HMGCLL1: variants seen among roughly 807,000 people sequenced by gnomAD.
HMGCLL1 encodes the protein 3-hydroxymethyl-3-methylglutaryl-CoA lyase, cytoplasmic.
In HMGCLL1, 36 loss-of-function variants were observed where a neutral mutation model predicts 39.1. That is an observed-to-expected ratio of 0.92 (90% CI 0.71 to 1.22). HMGCLL1 has a LOEUF of 1.22. Ranked by LOEUF, HMGCLL1 falls within the 50% of genes most tolerant of loss-of-function variation. The pLI is 0.00. For missense variants in HMGCLL1, 451 were observed against 416.5 expected (o/e 1.08, Z -0.72); for synonymous variants, 149 against 144.0 (o/e 1.03, Z -0.25).
At chr6:55,556,891 C>T (rs541360196) in intron 1 of HMGCLL1, among the ~76,000 whole-genome samples, 3 of 152,216 alleles carry the variant, frequency 2.0e-5, no homozygotes, top group Non-Finnish European at 4.4e-5. Flanking sequence ...CTTGATTTCT[C>T]CTGGAAGTTT....
At chr6:55,585,580 G>A in the HMGCLL1 span, among the ~76,000 whole-genome samples, 3 of 151,926 alleles carry the variant, frequency 2.0e-5, no homozygotes, top group Non-Finnish European at 2.9e-5. Flanking sequence ...AAGTACTATT[G>A]AATGAGAACA....
At chr6:55,592,928 T>A in the HMGCLL1 span, among the ~76,000 whole-genome samples, 1 of 152,120 alleles carries the variant, frequency 6.6e-6, no homozygotes. Flanking sequence ...TTTTAAATTG[T>A]TGGGCTATAG....
At chr6:55,486,766 A>G (rs1049802410) in intron 7 of HMGCLL1, among the ~76,000 whole-genome samples, 3 of 152,098 alleles carry the variant, frequency 2.0e-5, no homozygotes, top group Admixed American at 2.0e-4. Context: ...GGCTGCTATA[A>G]CAAAGTACCA....
the HMGCLL1 span, among the ~76,000 whole-genome samples, chr6:55,645,737 G>C: frequency 6.6e-6 from 1 of 151,790 alleles, no homozygotes. Context: ...TTGCATCCTT[G>C]GGATAAATCC....
intron 7 of HMGCLL1, among the ~76,000 whole-genome samples, chr6:55,467,066 G>C (rs148413237): frequency 1.3e-5 from 2 of 152,080 alleles, no homozygotes; most frequent in East Asian, 3.9e-4. Context: ...CCCCTACACT[G>C]TTTCTAACCT....
chr6:55,450,897 T>A (rs999112317), intron 7 of HMGCLL1, among the ~76,000 whole-genome samples: 11 of 152,168 alleles, frequency 7.2e-5, no homozygotes, highest in Non-Finnish European at 1.6e-4. Flanking sequence ...AACAGAGATA[T>A]GTTAAAGGAA....
intron 1 of HMGCLL1, among the ~76,000 whole-genome samples, chr6:55,559,301 C>T (rs1052056902): frequency 6.6e-6 from 1 of 152,176 alleles, no homozygotes; most frequent in African/African-American, 2.4e-5. Flanking sequence ...ATTTGCTTAA[C>T]ATTTCCTTAT....
chr6:55,464,899 T>A (rs774883331), intron 7 of HMGCLL1, among the ~76,000 whole-genome samples: 2 of 152,158 alleles, frequency 1.3e-5, no homozygotes, highest in Non-Finnish European at 2.9e-5. Flanking sequence ...TGCTCTTTAC[T>A]CCTTTACTCC....
At chr6:55,669,300 A>G in the HMGCLL1 span, among the ~76,000 whole-genome samples, 1 of 151,770 alleles carries the variant, frequency 6.6e-6, no homozygotes, top group South Asian at 2.1e-4. Context: ...ACACTGCAAC[A>G]ACTTTGGCAA....
chr6:55,519,221 T>A (rs1767906273), intron 3 of HMGCLL1, among the ~76,000 whole-genome samples: 1 of 151,902 alleles, frequency 6.6e-6, no homozygotes, highest in African/African-American at 2.4e-5. Flanking sequence ...AACAATTAAT[T>A]TAGGGGAGGT....
chr6:55,632,019 A>G, the HMGCLL1 span, among the ~76,000 whole-genome samples: 1 of 152,192 alleles, frequency 6.6e-6, no homozygotes, highest in African/African-American at 2.4e-5. Context: ...CAAAGTATTA[A>G]GGTTTTTTTG....
chr6:55,621,659 A>G, the HMGCLL1 span, among the ~76,000 whole-genome samples: 10 of 151,956 alleles, frequency 6.6e-5, no homozygotes, highest in African/African-American at 2.4e-4. Context: ...CTGTTTCTAC[A>G]TTATGGTGAG....
At chr6:55,590,256 A>G in the HMGCLL1 span, among the ~76,000 whole-genome samples, 1 of 152,070 alleles carries the variant, frequency 6.6e-6, no homozygotes, top group African/African-American at 2.4e-5. Context: ...CCACACATCT[A>G]CAACTATCTG....
At chr6:55,609,684 C>T in the HMGCLL1 span, among the ~76,000 whole-genome samples, 24 of 152,174 alleles carry the variant, frequency 1.6e-4, no homozygotes, top group African/African-American at 5.8e-4. Context: ...AGCCAAAATG[C>T]TTCATTAAAT....
intron 1 of HMGCLL1, among the ~76,000 whole-genome samples, chr6:55,554,003 T>A (rs530162644): frequency 6.6e-6 from 1 of 152,122 alleles, no homozygotes; most frequent in Non-Finnish European, 1.5e-5. Flanking sequence ...ACCCATCCTG[T>A]TCCACTTGGC....
At chr6:55,604,077 A>G in the HMGCLL1 span, among the ~76,000 whole-genome samples, 1 of 152,052 alleles carries the variant, frequency 6.6e-6, no homozygotes, top group African/African-American at 2.4e-5. Context: ...TTCAGCCAAA[A>G]TTTTCCTTCC....
the HMGCLL1 span, among the ~76,000 whole-genome samples, chr6:55,651,834 C>T: frequency 6.6e-6 from 1 of 152,074 alleles, no homozygotes; most frequent in Non-Finnish European, 1.5e-5. Context: ...CAGGTGCTGG[C>T]TTAGCCTAGC....
chr6:55,648,701 C>A, the HMGCLL1 span, among the ~76,000 whole-genome samples: 1 of 62,728 alleles, frequency 1.6e-5, no homozygotes, highest in East Asian at 3.7e-4. Flanking sequence ...CAATAACAGG[C>A]TCTGAAATTG....
At chr6:55,467,216 C>T (rs1764830940) in intron 7 of HMGCLL1, among the ~76,000 whole-genome samples, 1 of 152,086 alleles carries the variant, frequency 6.6e-6, no homozygotes, top group Admixed American at 6.6e-5. Context: ...AAAGGTCTCA[C>T]TTTAAGACAC....
Sources: allele counts gnomAD v4.1 joint callset (sites outside exome capture counted in the v4.1 genomes callset), GRCh38; gene constraint gnomAD v4.1.1; transcripts MANE v1.5; gene names NCBI Gene and HGNC (gene_info 2026-07-23, HGNC 2026-07-21).